WDR72: variants seen among roughly 807,000 people sequenced by gnomAD.
WDR72 encodes WD repeat domain 72.
Under a neutral mutation model 124.2 loss-of-function variants are expected in WDR72, and 120 were observed. The ratio of observed to expected loss-of-function variants is 0.97; its 90% confidence interval spans 0.83 to 1.12. WDR72 has a LOEUF of 1.12. Ranked by LOEUF, WDR72 falls within the 50% of genes most tolerant of loss-of-function variation. The pLI is 0.00. For synonymous variants in WDR72, 452 were observed against 441.7 expected, an observed-to-expected ratio of 1.02 and a Z score of -0.29; for missense variants, 1,387 against 1,278.8, an observed-to-expected ratio of 1.08 and a Z score of -1.29.
At chr15:53,693,769 C>T (rs940086827) in intron 13 of WDR72, among the ~76,000 whole-genome samples, 20 of 152,124 alleles carry the variant, frequency 1.3e-4, no homozygotes, top group Non-Finnish European at 2.2e-4. Flanking sequence ...AACTCTGAAA[C>T]GTATCTTCTT....
chr15:53,737,198 A>G (rs891547947), intron 1 of WDR72, among the ~76,000 whole-genome samples: 1 of 152,170 alleles, frequency 6.6e-6, no homozygotes, highest in African/African-American at 2.4e-5. Flanking sequence ...GGGAAACACA[A>G]GATGCTACTG....
intron 18 of WDR72, among the ~76,000 whole-genome samples, chr15:53,550,388 C>T (rs1893680041): frequency 6.6e-6 from 1 of 152,132 alleles, no homozygotes; most frequent in Admixed American, 6.5e-5. Flanking sequence ...GGTTTGCAGA[C>T]CTCTCGTCTT....
At chr15:53,626,211 T>C (rs2014201029) in intron 14 of WDR72, among the ~76,000 whole-genome samples, 1 of 152,156 alleles carries the variant, frequency 6.6e-6, no homozygotes, top group South Asian at 2.1e-4. Flanking sequence ...CCTTATGGAT[T>C]ACAAGGAATG....
intron 1 of WDR72, among the ~76,000 whole-genome samples, chr15:53,744,001 T>C (rs2018579220): frequency 6.6e-6 from 1 of 151,588 alleles, no homozygotes; most frequent in Non-Finnish European, 1.5e-5. Context: ...ATTTATCAAA[T>C]GAATCTTCTC....
chr15:53,587,223 AACT>A (rs1174358564), intron 18 of WDR72, among the ~76,000 whole-genome samples: 1 of 152,024 alleles, frequency 6.6e-6, no homozygotes, highest in African/African-American at 2.4e-5. Context: ...TCCAGAACAT[AACT>A]TTGTTTTACA....
intron 13 of WDR72, chr15:53,684,229 G>T (rs908461080): frequency 6.5e-6 from 1 of 153,776 alleles, no homozygotes; most frequent in Non-Finnish European, 1.4e-5. Context: ...AATAGGAACA[G>T]CTCCGGTCTA....
At chr15:53,677,167 G>A (rs34753685) in intron 13 of WDR72, among the ~76,000 whole-genome samples, 48,492 of 151,882 alleles carry the variant, frequency 0.32, 9,615 homozygotes, top group Middle Eastern at 0.56. Context: ...TGATCCACCC[G>A]CCTTGGCCTC....
chr15:53,711,573 A>G, intron 7 of WDR72, 92 bp from the exon 8 acceptor site: 2 of 1,348,704 alleles, frequency 1.5e-6, no homozygotes, highest in Non-Finnish European at 2.1e-6. Flanking sequence ...ATATAACAAC[A>G]TAGTAAGCGT....
intron 17 of WDR72, among the ~76,000 whole-genome samples, chr15:53,603,988 T>C (rs1391977690): frequency 6.6e-6 from 1 of 151,950 alleles, no homozygotes; most frequent in Admixed American, 6.6e-5. Context: ...TATCTTAAAA[T>C]TCATATGGAA....
intron 17 of WDR72, among the ~76,000 whole-genome samples, chr15:53,600,698 T>C (rs2013005888): frequency 6.6e-6 from 1 of 152,148 alleles, no homozygotes; most frequent in African/African-American, 2.4e-5. Flanking sequence ...AGTTTTTTTG[T>C]CATAAAACAT....
intron 12 of WDR72, among the ~76,000 whole-genome samples, chr15:53,701,271 A>G (rs181232375): frequency 2.4e-4 from 37 of 152,314 alleles, no homozygotes; most frequent in Non-Finnish European, 4.9e-4. Context: ...GCTGGGCACA[A>G]TAGCTGATGC....
intron 14 of WDR72, among the ~76,000 whole-genome samples, chr15:53,640,332 C>T (rs2014800307): frequency 6.6e-6 from 1 of 152,154 alleles, no homozygotes; most frequent in South Asian, 2.1e-4. Flanking sequence ...CTACCCAGAG[C>T]TTCAGTTAGG....
chr15:53,652,576 T>C (rs964296693), intron 14 of WDR72, among the ~76,000 whole-genome samples: 1 of 152,154 alleles, frequency 6.6e-6, no homozygotes, highest in Non-Finnish European at 1.5e-5. Flanking sequence ...TTGATTAGAT[T>C]GTTGCTGGCT....
At chr15:53,602,034 T>C (rs1038822216) in intron 17 of WDR72, among the ~76,000 whole-genome samples, 59 of 152,138 alleles carry the variant, frequency 3.9e-4, no homozygotes, top group Admixed American at 3.9e-3. Context: ...CAACAGATTA[T>C]ACATTTCTCT....
chr15:53,760,057 G>A (rs945625505), upstream of WDR72, among the ~76,000 whole-genome samples: 5 of 150,516 alleles, frequency 3.3e-5, no homozygotes, highest in South Asian at 1.1e-3. Flanking sequence ...ATACACAGTA[G>A]GTGTATATAT....
chr15:53,641,325 T>C (rs2014841719), intron 14 of WDR72, among the ~76,000 whole-genome samples: 1 of 151,986 alleles, frequency 6.6e-6, no homozygotes, highest in Admixed American at 6.6e-5. Flanking sequence ...CTTGAACTTG[T>C]ACCAAGTGCT....
upstream of WDR72, among the ~76,000 whole-genome samples, chr15:53,761,428 A>T (rs1201455379): frequency 6.6e-6 from 1 of 152,184 alleles, no homozygotes; most frequent in Non-Finnish European, 1.5e-5. Context: ...AAAAAAATAA[A>T]AATAAAACTA....
In WDR72 at chr15:53,517,856, T is replaced by C. The variant is rs944164176; in HGVS notation, c.3254-102A>G. ...AGGGAGAGAGGAAATGAAGAATAGA[T>C]ACAGAAAGGAAGAAGGGAGAGAATG... On this transcript the variant is annotated intron_variant, in intron 19 of 19. Transcript: ENST00000360509. The C allele has an allele frequency of 1.6e-5, 17 of 1,081,896 alleles. No individual in the cohort carries two copies. In the African/African-American group the frequency reaches 2.5e-4, roughly 16 times the overall value. 67.0% of individuals were successfully genotyped at this position (1,081,896 alleles called of 1,614,324 possible).
chr15:53,549,146 G>A (rs58089322), intron 18 of WDR72, among the ~76,000 whole-genome samples: 6,834 of 152,182 alleles, frequency 0.045, 428 homozygotes, highest in African/African-American at 0.14. Context: ...AGTACGTCAC[G>A]TACTGTCCAA....
Sources: gnomAD v4.1 joint callset for allele counts (sites outside exome capture counted in the v4.1 genomes callset) on GRCh38, gnomAD v4.1.1 for gene constraint, MANE v1.5 for transcripts, NCBI Gene and HGNC (gene_info 2026-07-23, HGNC 2026-07-21) for gene names.